The following ALKBH1 variants were observed in gnomAD, a reference collection of about 807,000 sequenced individuals.
ALKBH1 encodes alkB homolog 1, histone H2A dioxygenase.
Under a neutral mutation model 36.6 loss-of-function variants are expected in ALKBH1, and 31 were observed. That is an observed-to-expected ratio of 0.85 (90% CI 0.64 to 1.14). ALKBH1 has a LOEUF of 1.14. Among genes scored for constraint, ALKBH1 ranks in the 50% most tolerant of loss-of-function variants. The probability of loss-of-function intolerance (pLI) is 0.00; values close to 1 mark genes in which losing one functional copy is unlikely to be tolerated. For missense variants in ALKBH1, 490 were observed against 497.3 expected, an observed-to-expected ratio of 0.99 and a Z score of 0.14; for synonymous variants, 183 against 186.6, an observed-to-expected ratio of 0.98 and a Z score of 0.16.
intron 1 of ALKBH1, among the ~76,000 whole-genome samples, chr14:77,706,688 A>T (rs191690894): frequency 6.6e-6 from 1 of 152,358 alleles, no homozygotes; most frequent in Admixed American, 6.5e-5. Flanking sequence ...ATATTATGGT[A>T]AAATGTAGGT....
intron 4 of ALKBH1, among the ~76,000 whole-genome samples, chr14:77,676,986 C>T (rs911117161): frequency 1.3e-5 from 2 of 151,934 alleles, no homozygotes; most frequent in Non-Finnish European, 2.9e-5. Flanking sequence ...TTTTTTACAC[C>T]TAAGGATCAC....
Position 77,694,867 on chromosome 14 carries a change from C to A in ALKBH1, c.326G>T (p.Gly109Val). The change falls in exon 3 of 6, where the codon GGT becomes GTT. Residue 109 changes from glycine (G) to valine (V), a missense_variant. Physicochemically the swap from Gly to Val is moderately radical, Grantham distance 109. Coordinates refer to ENST00000216489, the MANE Select transcript of ALKBH1 (RefSeq NM_006020.3). Reference sequence around the variant, plus strand: ...CTGTTTCACCCAGTGCCACTGGTAACCTGGGAGGAAGGGGTTTGGGATAAA... The same window carrying A: ...CTGTTTCACCCAGTGCCACTGGTAAACTGGGAGGAAGGGGTTTGGGATAAA... ...FIFIPNPFLPGYQWHWVKQCL... is the reference protein window; with the variant it reads ...FIFIPNPFLPVYQWHWVKQCL... The A allele has an allele frequency of 1.3e-6, 2 of 1,574,770 alleles. No individual in the cohort carries two copies. Among genetic ancestry groups the A allele is most frequent in the Non-Finnish European group, 1.7e-6 (2 of 1,163,616 alleles).
At chr14:77,706,431 G>A (rs947079146) in intron 1 of ALKBH1, among the ~76,000 whole-genome samples, 2 of 152,180 alleles carry the variant, frequency 1.3e-5, no homozygotes, top group Non-Finnish European at 2.9e-5. Flanking sequence ...ACACCACTGA[G>A]CTTTTATAAA....
chr14:77,676,717 G>C (rs957273646), intron 4 of ALKBH1, among the ~76,000 whole-genome samples: 6 of 152,150 alleles, frequency 3.9e-5, no homozygotes, highest in Non-Finnish European at 1.5e-5. Flanking sequence ...AGCTCTCTCT[G>C]TACTATCTTC....
intron 2 of ALKBH1, among the ~76,000 whole-genome samples, chr14:77,695,955 G>C (rs934158180): frequency 1.1e-4 from 17 of 152,008 alleles, no homozygotes; most frequent in African/African-American, 3.9e-4. Context: ...AGTTGGGCGT[G>C]GTGGCACGCA....
chr14:77,683,502 G>GC, intron 3 of ALKBH1: 1 of 687,184 alleles, frequency 1.5e-6, no homozygotes. Context: ...TTCCAGTTTT[G>GC]CCATGGCAAC....
At chr14:77,689,163 A>T (rs1428951014) in intron 3 of ALKBH1, among the ~76,000 whole-genome samples, 1 of 151,624 alleles carries the variant, frequency 6.6e-6, no homozygotes, top group Non-Finnish European at 1.5e-5. Context: ...GCTCTACTCC[A>T]CTCTCAGCCT....
At chr14:77,692,810 A>C (rs1424971200) in intron 3 of ALKBH1, among the ~76,000 whole-genome samples, 1 of 151,486 alleles carries the variant, frequency 6.6e-6, no homozygotes, top group East Asian at 1.9e-4. Context: ...TTATTTATTT[A>C]TTTATTTATT....
In ALKBH1 at chr14:77,680,095, G is replaced by T. The variant is rs1387603029; in HGVS notation, c.456-125C>A. 6 of 667,268 alleles carry T rather than the reference G, an allele frequency of 9.0e-6. No individual in the cohort carries two copies. The Admixed American group carries it at 9.8e-5, about 11-fold the overall frequency. 41.3% of individuals were successfully genotyped at this position (667,268 alleles called of 1,614,324 possible). A position where few individuals can be genotyped will look rare whatever the true frequency, so the allele number is the denominator to read the frequency against. ...AGCCGTTAGCCAAGACTCAGTAGGA[G>T]AAATTAGAAGAGATAAATGAGTAGA... On this transcript the variant is annotated intron_variant, in intron 3 of 5. Coordinates refer to ENST00000216489, the MANE Select transcript of ALKBH1 (RefSeq NM_006020.3).
At chr14:77,699,851 A>C (rs138222291) in intron 2 of ALKBH1, among the ~76,000 whole-genome samples, 4 of 152,120 alleles carry the variant, frequency 2.6e-5, no homozygotes, top group African/African-American at 4.8e-5. Context: ...TCAGGAGATC[A>C]AGACCATCCT....
chr14:77,675,950 G>C, intron 4 of ALKBH1, 101 bp from the exon 5 acceptor site: 1 of 972,968 alleles, frequency 1.0e-6, no homozygotes, highest in Non-Finnish European at 1.5e-6. Context: ...TACTTACAAA[G>C]TCATATTAAC....
At position 77,683,330 on chromosome 14, in the gene ALKBH1, GTTCT is replaced by G. The variant is rs149268644; in HGVS notation, c.456-3364_456-3361del. The G allele has an allele frequency of 2.4e-3, 1,773 of 738,304 alleles. 22 individuals carry two copies. In the African/African-American group the frequency reaches 0.028, roughly 12 times the overall value. 45.7% of individuals were successfully genotyped at this position (738,304 alleles called of 1,614,324 possible). On this transcript the variant is annotated intron_variant, in intron 3 of 5. Coordinates refer to ENST00000216489, the MANE Select transcript of ALKBH1 (RefSeq NM_006020.3). ...TGAACTCAGGTACCTTTCTCTTTGGGTTCTTTTTCTGATCATTTTACTACACGTT... is the reference window on the plus strand; with the variant it reads ...TGAACTCAGGTACCTTTCTCTTTGGGTTTTCTGATCATTTTACTACACGTT...
intron 2 of ALKBH1, among the ~76,000 whole-genome samples, chr14:77,701,399 G>C (rs2080358455): frequency 6.6e-6 from 1 of 152,194 alleles, no homozygotes; most frequent in South Asian, 2.1e-4. Context: ...AGATGGCAGA[G>C]CCAGGATATG....
chr14:77,689,132 T>C (rs567127244), intron 3 of ALKBH1, among the ~76,000 whole-genome samples: 2 of 152,334 alleles, frequency 1.3e-5, no homozygotes, highest in African/African-American at 4.8e-5. Flanking sequence ...CCTCTGACTA[T>C]ACAATTTTCT....
intron 3 of ALKBH1, among the ~76,000 whole-genome samples, chr14:77,682,045 G>C (rs1457567963): frequency 6.6e-6 from 1 of 152,076 alleles, no homozygotes; most frequent in African/African-American, 2.4e-5. Context: ...GAGTCTTCCT[G>C]GCGAATCATC....
Position 77,674,172 on chromosome 14 carries a change from C to G in ALKBH1, c.810G>C (p.Met270Ile), listed in dbSNP as rs767673188. 1 of 1,614,150 alleles carries G rather than the reference C, an allele frequency of 6.2e-7. No homozygotes were observed. ...QRDEAPTAMF[M>I]HSGDIMIMSG... ...ACATTATCATGATGTCACCACTGTGCATAAACATGGCCGTGGGGGCCTCAT... is the reference window on the plus strand; with the variant it reads ...ACATTATCATGATGTCACCACTGTGGATAAACATGGCCGTGGGGGCCTCAT... Residue 270 changes from methionine (M) to isoleucine (I), a missense_variant, in exon 6 of 6, where the codon ATG becomes ATC. Transcript: ENST00000216489.
intron 3 of ALKBH1, among the ~76,000 whole-genome samples, chr14:77,688,105 T>C (rs1303022193): frequency 6.6e-6 from 1 of 152,236 alleles, no homozygotes. Context: ...AGCCTCAGTA[T>C]TACCCTCACT....
intron 3 of ALKBH1, chr14:77,683,408 C>T: frequency 1.3e-6 from 1 of 775,894 alleles, no homozygotes; most frequent in Non-Finnish European, 2.3e-6. Flanking sequence ...TCAATGCGCA[C>T]ATTAATTCTC....
rs376542600 is a variant in ALKBH1 at position 77,686,317 on chromosome 14, AAGG to A, written c.456-6350_456-6348del. Among the ~76,000 whole-genome samples, 30 of 152,328 alleles carry A rather than the reference AAGG, an allele frequency of 2.0e-4. No individual in the cohort carries two copies. In the East Asian group the frequency reaches 4.4e-3, roughly 23 times the overall value. On this transcript the variant is annotated intron_variant, in intron 3 of 5. Coordinates refer to ENST00000216489, the MANE Select transcript of ALKBH1 (RefSeq NM_006020.3). ...CTCTTTTTAAACCTGACTTGTCCAA[AAGG>A]AGGTCAAGAAGGATCAGTACCAATA... is the stretch of plus-strand genomic sequence containing the variant.
Sources: gnomAD v4.1 joint callset for allele counts (sites outside exome capture counted in the v4.1 genomes callset) on GRCh38, gnomAD v4.1.1 for gene constraint, MANE v1.5 for transcripts, NCBI Gene and HGNC (gene_info 2026-07-23, HGNC 2026-07-21) for gene names.